The following NKIRAS1 variants were observed in gnomAD, a reference collection of about 807,000 sequenced individuals.
NKIRAS1 encodes the protein NFKB inhibitor interacting Ras like 1.
NKIRAS1 carries 16 observed loss-of-function variants against 19.8 expected under a neutral mutation model. The ratio of observed to expected loss-of-function variants is 0.81; its 90% CI spans 0.55 to 1.23. The LOEUF (loss-of-function observed/expected upper bound fraction) is 1.23. NKIRAS1 is among the 50% of genes most tolerant of loss of function. The pLI, the probability that NKIRAS1 is intolerant of heterozygous loss-of-function variation, is 0.00. For synonymous variants in NKIRAS1, 88 were observed against 79.0 expected, an observed-to-expected ratio of 1.11 and a Z score of -0.61; for missense variants, 184 against 220.0, an observed-to-expected ratio of 0.84 and a Z score of 1.04.
intron 4 of NKIRAS1, among the ~76,000 whole-genome samples, chr3:23,898,525 C>A (rs963404830): frequency 7.2e-5 from 11 of 151,852 alleles, no homozygotes; most frequent in African/African-American, 2.7e-4. Flanking sequence ...TCACTGCAAC[C>A]TCTGCCTCCC....
At chr3:23,945,981 G>C in intron 1 of NKIRAS1, 1 of 485,080 alleles carries the variant, frequency 2.1e-6, no homozygotes, top group Non-Finnish European at 2.7e-6. Context: ...GAGGCCGCTC[G>C]GCTCCCTGAC....
Position 23,946,411 on chromosome 3 carries a change from G to T in NKIRAS1, c.-228C>A, listed in dbSNP as rs951553896. The T allele has an allele frequency of 1.4e-5, 8 of 552,880 alleles. No homozygotes were observed. In the African/African-American group the frequency reaches 1.6e-4, roughly 11 times the overall value. 34.2% of individuals were successfully genotyped at this position (552,880 alleles called of 1,614,324 possible). A position where few individuals can be genotyped will look rare whatever the true frequency, so the allele number is the denominator to read the frequency against. ...GGGAAGGCGTGGGGCTTTCCCGAAG[G>T]GATACGCTCGAAGGAGCTCTGAGGT... On this transcript the variant is annotated 5_prime_UTR_variant, in exon 1 of 5. Transcript: ENST00000421515.
upstream of NKIRAS1, chr3:23,918,508 T>C: frequency 6.2e-7 from 1 of 1,613,922 alleles, no homozygotes; most frequent in South Asian, 1.1e-5. Context: ...GGGTGCAACT[T>C]ACGGCAAGCC....
At chr3:23,907,154 A>G (rs538772677) in intron 3 of NKIRAS1, among the ~76,000 whole-genome samples, 36 of 152,334 alleles carry the variant, frequency 2.4e-4, no homozygotes, top group African/African-American at 8.4e-4. Flanking sequence ...TCGGCCTCCC[A>G]AAGTGCTGGG....
At chr3:23,918,675 C>A, upstream of NKIRAS1, 1 of 1,377,980 alleles carries the variant, frequency 7.3e-7, no homozygotes, top group Non-Finnish European at 9.8e-7. Flanking sequence ...TGAGCTGTCT[C>A]GTATATAAAA....
In NKIRAS1 at chr3:23,926,428, C is replaced by G. The variant is rs115641172; in HGVS notation, c.-139-14978G>C. Among the ~76,000 whole-genome samples, 2,480 of 152,180 alleles carry G rather than the reference C, an allele frequency of 0.016. 34 individuals carry two copies. The highest frequency in any genetic ancestry group is 0.036 in the African/African-American group (1,480 of 41,504). ...CTTCCTCCTCCTCCTTCCTCCTCCT[C>G]CTCTTGCTCCTCGTCCTCCTCTTCT... On this transcript the variant is annotated intron_variant, in intron 1 of 4. Coordinates refer to the NKIRAS1 transcript ENST00000421515. The surrounding 1 kb of genome is among the most constrained non-coding windows in gnomAD (Gnocchi z 4.3).
chr3:23,904,346 G>A, intron 3 of NKIRAS1, among the ~76,000 whole-genome samples: 1 of 152,122 alleles, frequency 6.6e-6, no homozygotes. Flanking sequence ...GTGTTGTTAT[G>A]GCACAGTCCC....
chr3:23,893,935 T>G (rs1057092741), intron 4 of NKIRAS1, among the ~76,000 whole-genome samples: 32 of 148,940 alleles, frequency 2.1e-4, no homozygotes. Context: ...TCAATGAGTC[T>G]GCATTTCAGT....
chr3:23,921,916 C>A, upstream of NKIRAS1: 1 of 337,046 alleles, frequency 3.0e-6, no homozygotes, highest in Non-Finnish European at 5.4e-6. Context: ...ACTATGTTGC[C>A]CAGGTTGGTC....
intron 3 of NKIRAS1, among the ~76,000 whole-genome samples, chr3:23,902,872 G>T (rs866466829): frequency 6.6e-6 from 1 of 152,156 alleles, no homozygotes; most frequent in African/African-American, 2.4e-5. Context: ...ACATGCCTGC[G>T]CACACACACA....
At chr3:23,945,513 G>C in intron 1 of NKIRAS1, 1 of 1,021,960 alleles carries the variant, frequency 9.8e-7, no homozygotes, top group East Asian at 5.2e-5. Context: ...CGGCGCTGAG[G>C]CGGCGGCGGC....
At chr3:23,928,123 C>T (rs997775485) in intron 1 of NKIRAS1, among the ~76,000 whole-genome samples, 9 of 150,586 alleles carry the variant, frequency 6.0e-5, no homozygotes, top group Non-Finnish European at 1.0e-4. Flanking sequence ...CACACACACA[C>T]ACACATACAC....
chr3:23,945,980 C>G (rs1280079369), intron 1 of NKIRAS1: 13 of 478,846 alleles, frequency 2.7e-5, no homozygotes, highest in African/African-American at 1.5e-4. Flanking sequence ...TGAGGCCGCT[C>G]GGCTCCCTGA....
chr3:23,919,040 C>T (rs547900857), upstream of NKIRAS1: 1 of 621,836 alleles, frequency 1.6e-6, no homozygotes, highest in Non-Finnish European at 2.8e-6. Context: ...TATCTCATTA[C>T]ACTTGTGATA....
In NKIRAS1 at chr3:23,889,969, T is replaced by C. The variant is rs1464066506; in HGVS notation, c.*3126A>G. On this transcript the variant is annotated 3_prime_UTR_variant, in exon 5 of 5. Transcript: ENST00000425478. ...AAATATATTTTCTAGGTAAACCAAATATAAATTTATTAAAGATCCTAAGAT... is the reference window on the plus strand; with the variant it reads ...AAATATATTTTCTAGGTAAACCAAACATAAATTTATTAAAGATCCTAAGAT... 6.4e-6 allele frequency: 1 copy of C among 155,198 alleles called. No homozygotes were observed. The highest frequency in any genetic ancestry group is 1.4e-5 in the Non-Finnish European group (1 of 70,916). The allele number at this position is 155,198 out of a possible 1,614,324, so 9.6% of individuals were successfully genotyped here.
intron 4 of NKIRAS1, among the ~76,000 whole-genome samples, chr3:23,894,490 T>G (rs1448772092): frequency 1.3e-5 from 2 of 152,190 alleles, no homozygotes; most frequent in Non-Finnish European, 2.9e-5. Flanking sequence ...AGCCCTCCTG[T>G]CATTCTTCAT....
chr3:23,920,703 T>C (rs1705030390), upstream of NKIRAS1: 2 of 985,128 alleles, frequency 2.0e-6, no homozygotes, highest in East Asian at 1.1e-4. Flanking sequence ...AGTTAATTGA[T>C]TTCCAGGAAG....
At chr3:23,938,209 CTT>C (rs11418287) in intron 1 of NKIRAS1, among the ~76,000 whole-genome samples, 2 of 137,650 alleles carry the variant, frequency 1.5e-5, no homozygotes, top group Admixed American at 1.5e-4. Flanking sequence ...AGTACAGTAC[CTT>C]TTTTTTTTTT....
At position 23,890,773 on chromosome 3, in the gene NKIRAS1, T is replaced by C; in HGVS notation, c.*2322A>G. ...TTTGTTGTAACTTAAGGTATCTTGC[T>C]ACAGTAGACAGAATTGGTAATAGCA... On this transcript the variant is annotated 3_prime_UTR_variant, in exon 5 of 5. Coordinates refer to ENST00000425478, the MANE Select transcript of NKIRAS1 (RefSeq NM_020345.4). 1 of 541,668 alleles carries C rather than the reference T, an allele frequency of 1.8e-6. No individual in the cohort carries two copies. The highest frequency in any genetic ancestry group is 3.0e-6 in the Non-Finnish European group (1 of 332,246). 33.6% of individuals were successfully genotyped at this position (541,668 alleles called of 1,614,324 possible).
Sources: gnomAD v4.1 joint callset for allele counts (sites outside exome capture counted in the v4.1 genomes callset) on GRCh38, gnomAD v4.1.1 for gene constraint, Gnocchi (gnomAD v3.1) non-coding constraint, MANE v1.5 for transcripts, NCBI Gene and HGNC (gene_info 2026-07-23, HGNC 2026-07-21) for gene names.